ELMO1: variants seen among roughly 807,000 people sequenced by gnomAD.
The protein encoded by ELMO1 is engulfment and cell motility protein 1.
Under a neutral mutation model 98.9 loss-of-function variants are expected in ELMO1, and 26 were observed. That is an observed-to-expected ratio of 0.26 (90% confidence interval 0.19 to 0.36). The LOEUF (loss-of-function observed/expected upper bound fraction) is 0.36, where lower values mean the gene tolerates loss of function less well. Among genes scored for constraint, ELMO1 ranks in the 10% least tolerant of loss-of-function variants. The pLI is 1.00. For synonymous variants in ELMO1, 346 were observed against 346.0 expected (o/e 1.00, Z 0.00); for missense variants, 627 against 935.2 (o/e 0.67, Z 4.30).
chr7:37,100,299 T>A (rs1383799981), intron 14 of ELMO1, among the ~76,000 whole-genome samples: 1 of 152,248 alleles, frequency 6.6e-6, no homozygotes, highest in African/African-American at 2.4e-5. Context: ...CAATTCCTCA[T>A]GGTGAGTGAC....
At chr7:37,235,291 C>T (rs1794401348) in intron 7 of ELMO1, among the ~76,000 whole-genome samples, 1 of 151,918 alleles carries the variant, frequency 6.6e-6, no homozygotes, top group Non-Finnish European at 1.5e-5. Context: ...AAATAAGAGC[C>T]AGGAAATAAA....
chr7:37,226,043 T>C (rs918688531), intron 8 of ELMO1, among the ~76,000 whole-genome samples: 4 of 152,100 alleles, frequency 2.6e-5, no homozygotes, highest in African/African-American at 9.7e-5. Flanking sequence ...TTGCACATGA[T>C]AAATGCACAG....
intron 1 of ELMO1, among the ~76,000 whole-genome samples, chr7:37,444,491 C>A (rs948649715): frequency 1.3e-5 from 2 of 152,046 alleles, no homozygotes; most frequent in Admixed American, 6.6e-5. Flanking sequence ...GAGGGCCTAG[C>A]GCACTGGCAA....
chr7:36,868,572 A>C (rs1463184529), intron 20 of ELMO1, among the ~76,000 whole-genome samples: 2 of 150,588 alleles, frequency 1.3e-5, no homozygotes, highest in Non-Finnish European at 3.0e-5. Flanking sequence ...CTGGTCTCGA[A>C]CTCCTGACCT....
At chr7:37,384,273 T>A (rs894883347) in intron 1 of ELMO1, among the ~76,000 whole-genome samples, 2 of 152,210 alleles carry the variant, frequency 1.3e-5, no homozygotes, top group Non-Finnish European at 2.9e-5. Context: ...ACGATTAAGA[T>A]GATACTATGC....
In ELMO1 at chr7:37,022,802, G is replaced by A. The variant is rs73344353; in HGVS notation, c.1301-9367C>T. On this transcript the variant is annotated intron_variant, in intron 15 of 21. Coordinates refer to ENST00000310758, the MANE Select transcript of ELMO1 (RefSeq NM_014800.11). The stretch of plus-strand genomic sequence containing the variant: ...ATGAATGTTCACAGCAGCACTATTT[G>A]TTACAGCCAAAAACTTGAAACAATC... Among the ~76,000 whole-genome samples the A allele has an allele frequency of 7.2e-3, 1,090 of 152,254 alleles. 14 individuals are homozygous for A. Among genetic ancestry groups the A allele is most frequent in the African/African-American group, 0.025 (1,035 of 41,546 alleles).
intron 13 of ELMO1, among the ~76,000 whole-genome samples, chr7:37,145,361 G>A (rs1053983580): frequency 6.6e-6 from 1 of 152,218 alleles, no homozygotes; most frequent in Non-Finnish European, 1.5e-5. Context: ...AGGTGCACAT[G>A]CATTTTAAAT....
At chr7:37,172,394 T>C (rs1051770343) in intron 13 of ELMO1, among the ~76,000 whole-genome samples, 1 of 152,134 alleles carries the variant, frequency 6.6e-6, no homozygotes. Context: ...CCTCAATATC[T>C]AGGAAATGTT....
In ELMO1 at chr7:37,349,120, TG is replaced by T. The variant is rs1801143668; in HGVS notation, c.-73-6358del. Among the ~76,000 whole-genome samples, 3 of 152,252 alleles carry T rather than the reference TG, an allele frequency of 2.0e-5. No individual in the cohort carries two copies. In the South Asian group the frequency reaches 6.2e-4, roughly 32 times the overall value. On this transcript the variant is annotated intron_variant, in intron 1 of 21. Coordinates refer to ENST00000310758, the MANE Select transcript of ELMO1 (RefSeq NM_014800.11). Reference sequence around the variant, plus strand: ...GCCAGTGGAGGCCAGGGCAGATCAATGGGAGAGAAACACCAAACAGCTGGAG... The same window carrying T: ...GCCAGTGGAGGCCAGGGCAGATCAATGGAGAGAAACACCAAACAGCTGGAG...
rs1310964080 is a variant in ELMO1, at chr7:37,155,504, A to AAAAAAAAAAAATT, written c.1087-22271_1087-22270insAATTTTTTTTTTT. ...ACGGAAAGCAAAAAAAAAAAAAAAA[A>AAAAAAAAAAAATT]AAAAGCAGGTGTTGCAATCCTGGTC... On this transcript the variant is annotated intron_variant, in intron 13 of 21. Transcript: ENST00000310758. Among the ~76,000 whole-genome samples, 5 of 132,300 alleles carry AAAAAAAAAAAATT rather than the reference A, an allele frequency of 3.8e-5. No homozygotes were observed. The South Asian group carries it at 1.5e-3, about 39-fold the overall frequency. 86.8% of individuals were successfully genotyped at this position (132,300 alleles called of 152,430 possible). A position where few individuals can be genotyped will look rare whatever the true frequency, so the allele number is the denominator to read the frequency against.
At chr7:37,323,026 G>A (rs750110464) in intron 2 of ELMO1, among the ~76,000 whole-genome samples, 6 of 152,096 alleles carry the variant, frequency 3.9e-5, no homozygotes, top group Non-Finnish European at 5.9e-5. Context: ...TTCTATGTGC[G>A]GGGATCAAGG....
At chr7:37,121,452 C>G (rs1035066517) in intron 14 of ELMO1, among the ~76,000 whole-genome samples, 7 of 152,174 alleles carry the variant, frequency 4.6e-5, no homozygotes, top group Non-Finnish European at 1.0e-4. Flanking sequence ...AGCTGAAAAC[C>G]ATGGCATGAG....
intron 4 of ELMO1, among the ~76,000 whole-genome samples, chr7:37,291,100 G>A (rs1797658607): frequency 6.6e-6 from 1 of 152,076 alleles, no homozygotes; most frequent in Non-Finnish European, 1.5e-5. Context: ...GACAATGCAA[G>A]TCATGGAAGT....
intron 2 of ELMO1, among the ~76,000 whole-genome samples, chr7:37,318,120 C>T (rs1799301843): frequency 1.3e-5 from 2 of 152,220 alleles, no homozygotes; most frequent in African/African-American, 2.4e-5. Context: ...TTACATGTTA[C>T]ATAAGTCCTA....
chr7:37,237,052 AATTAAGCCAACTGCAAACTTT>A (rs1393312104), intron 7 of ELMO1, among the ~76,000 whole-genome samples: 1 of 152,304 alleles, frequency 6.6e-6, no homozygotes, highest in East Asian at 1.9e-4. Context: ...GACAGCCACA[AATTAAGCCAACTGCAAACTTT>A]ACATGCTGGT....
chr7:37,412,073 A>G (rs1258330725), intron 1 of ELMO1, among the ~76,000 whole-genome samples: 1 of 152,240 alleles, frequency 6.6e-6, no homozygotes, highest in Non-Finnish European at 1.5e-5. Context: ...GTTTTGGAAG[A>G]AATTATTCTA....
chr7:37,387,785 T>A (rs1348811395), intron 1 of ELMO1, among the ~76,000 whole-genome samples: 1 of 152,230 alleles, frequency 6.6e-6, no homozygotes, highest in African/African-American at 2.4e-5. Context: ...GAAATCAATC[T>A]GTTTGCTTTA....
intron 13 of ELMO1, among the ~76,000 whole-genome samples, chr7:37,145,374 A>G (rs1787917637): frequency 6.6e-6 from 1 of 152,248 alleles, no homozygotes; most frequent in South Asian, 2.1e-4. Flanking sequence ...TTTTAAATAT[A>G]CTTGCTGTTC....
chr7:36,979,855 G>A (rs556118445), intron 16 of ELMO1, among the ~76,000 whole-genome samples: 1 of 152,346 alleles, frequency 6.6e-6, no homozygotes, highest in East Asian at 1.9e-4. Flanking sequence ...CTACCAGTGT[G>A]AAGGCCTGAG....
Sources: allele counts gnomAD v4.1 joint callset (sites outside exome capture counted in the v4.1 genomes callset), GRCh38; gene constraint gnomAD v4.1.1; transcripts MANE v1.5; gene names NCBI Gene and HGNC (gene_info 2026-07-23, HGNC 2026-07-21).